The following CDKAL1 variants were observed in gnomAD, a reference collection of about 807,000 sequenced individuals.
CDKAL1 encodes CDKAL1 threonylcarbamoyladenosine tRNA methylthiotransferase, also known as threonylcarbamoyladenosine tRNA methylthiotransferase.
In CDKAL1, 32 loss-of-function variants were observed where a neutral mutation model predicts 68.2. That is an observed-to-expected ratio of 0.47 (90% CI 0.35 to 0.63). The LOEUF is 0.63. Among genes scored for constraint, CDKAL1 ranks in the 30% least tolerant of loss-of-function variants. CDKAL1 has a pLI of 0.00. For missense variants in CDKAL1, 606 were observed against 696.7 expected (o/e 0.87, Z 1.47); for synonymous variants, 234 against 244.3 (o/e 0.96, Z 0.39).
At chr6:20,802,445 A>G (rs918387083) in intron 8 of CDKAL1, among the ~76,000 whole-genome samples, 1 of 152,068 alleles carries the variant, frequency 6.6e-6, no homozygotes, top group Admixed American at 6.6e-5. Flanking sequence ...TCAAAAAGAA[A>G]GAAAAACATC....
chr6:20,820,434 A>C (rs541912199), intron 8 of CDKAL1, among the ~76,000 whole-genome samples: 1 of 152,242 alleles, frequency 6.6e-6, no homozygotes, highest in Admixed American at 6.5e-5. Flanking sequence ...TCTGAATTTA[A>C]AGGTAAGGCA....
intron 9 of CDKAL1, among the ~76,000 whole-genome samples, chr6:20,867,186 T>A (rs1338386210): frequency 6.6e-6 from 1 of 152,220 alleles, no homozygotes; most frequent in Non-Finnish European, 1.5e-5. Context: ...TCGGCATTTG[T>A]ATCTCAGTGT....
chr6:20,683,692 C>G (rs1381395926), intron 5 of CDKAL1, among the ~76,000 whole-genome samples: 1 of 152,170 alleles, frequency 6.6e-6, no homozygotes, highest in Non-Finnish European at 1.5e-5. Flanking sequence ...ACATTTGTTA[C>G]AACTGATGAA....
intron 4 of CDKAL1, among the ~76,000 whole-genome samples, chr6:20,565,401 G>A (rs1764423613): frequency 6.6e-6 from 1 of 151,974 alleles, no homozygotes; most frequent in African/African-American, 2.4e-5. Context: ...CCATGCCTTG[G>A]AAAGAAAGTT....
intron 6 of CDKAL1, among the ~76,000 whole-genome samples, chr6:20,747,619 G>A (rs1773718121): frequency 6.6e-6 from 1 of 152,074 alleles, no homozygotes; most frequent in Admixed American, 6.5e-5. Flanking sequence ...TTGGCTATTT[G>A]TATGTTTCCT....
At chr6:21,000,490 G>A (rs758475534) in intron 11 of CDKAL1, 118 bp downstream of exon 11, 17 of 891,066 alleles carry the variant, frequency 1.9e-5, no homozygotes, top group Admixed American at 2.5e-5. Context: ...CGAGACTTTC[G>A]AAGCTTTCAA....
chr6:20,795,994 C>T (rs529147287), intron 8 of CDKAL1, among the ~76,000 whole-genome samples: 2 of 152,270 alleles, frequency 1.3e-5, no homozygotes, highest in Non-Finnish European at 2.9e-5. Flanking sequence ...AGGCTTGTAA[C>T]TGCCTGGGTT....
At chr6:20,658,817 C>T (rs1038089380) in intron 5 of CDKAL1, among the ~76,000 whole-genome samples, 5 of 152,032 alleles carry the variant, frequency 3.3e-5, no homozygotes, top group African/African-American at 1.2e-4. Flanking sequence ...CTAAAAGTTA[C>T]TTTTATTTAC....
rs931061786 is a variant in CDKAL1 at position 20,802,489 on chromosome 6, A to G, written c.638+21224A>G. Among the ~76,000 whole-genome samples, 41 of 152,132 alleles carry G rather than the reference A, an allele frequency of 2.7e-4. 1 individual carries two copies. Among genetic ancestry groups the G allele is most frequent in the African/African-American group, 9.4e-4 (39 of 41,494 alleles). Reference sequence around the variant, plus strand: ...TACAGTACTCTCAACCTTTGTATCTATTGTTTGATTAGGCAAATATATATA... The same window carrying G: ...TACAGTACTCTCAACCTTTGTATCTGTTGTTTGATTAGGCAAATATATATA... On this transcript the variant is annotated intron_variant, in intron 8 of 15. Coordinates refer to ENST00000274695, the MANE Select transcript of CDKAL1 (RefSeq NM_017774.3).
intron 12 of CDKAL1, among the ~76,000 whole-genome samples, chr6:21,077,775 G>A (rs1183871264): frequency 5.9e-5 from 9 of 152,180 alleles, no homozygotes; most frequent in South Asian, 2.1e-4. Flanking sequence ...TGAGATTTGG[G>A]TGGGGACACA....
intron 5 of CDKAL1, among the ~76,000 whole-genome samples, chr6:20,738,485 GTTTTTT>G (rs71712438): frequency 1.7e-5 from 2 of 119,632 alleles, no homozygotes; most frequent in African/African-American, 3.2e-5. Flanking sequence ...CTACTTCTTA[GTTTTTT>G]TTTTTTTTTT....
intron 9 of CDKAL1, among the ~76,000 whole-genome samples, chr6:20,916,896 T>C (rs1262298528): frequency 6.9e-6 from 1 of 144,122 alleles, no homozygotes; most frequent in Non-Finnish European, 1.5e-5. Flanking sequence ...AAAGACAAGA[T>C]CGGGCGCAGT....
intron 13 of CDKAL1, among the ~76,000 whole-genome samples, chr6:21,156,566 C>G (rs1020221310): frequency 1.3e-5 from 2 of 151,060 alleles, no homozygotes; most frequent in Non-Finnish European, 2.9e-5. Flanking sequence ...AACATTTATT[C>G]CTTTTGTAAA....
intron 4 of CDKAL1, among the ~76,000 whole-genome samples, chr6:20,574,793 A>G (rs1246794751): frequency 6.6e-6 from 1 of 151,908 alleles, no homozygotes; most frequent in Non-Finnish European, 1.5e-5. Flanking sequence ...GTATGAAAAC[A>G]CTCTTTAATC....
At chr6:20,600,234 T>G (rs1177214513) in intron 4 of CDKAL1, among the ~76,000 whole-genome samples, 1 of 152,186 alleles carries the variant, frequency 6.6e-6, no homozygotes, top group Non-Finnish European at 1.5e-5. Flanking sequence ...TGGCAATTCT[T>G]TTTATTAAAT....
At chr6:20,795,782 T>C (rs1484787220) in intron 8 of CDKAL1, among the ~76,000 whole-genome samples, 1 of 152,218 alleles carries the variant, frequency 6.6e-6, no homozygotes, top group Non-Finnish European at 1.5e-5. Context: ...CTATTTTTTC[T>C]CTTGAAAAGC....
chr6:20,730,536 GGT>G (rs1188806539), intron 5 of CDKAL1, among the ~76,000 whole-genome samples: 3 of 151,936 alleles, frequency 2.0e-5, no homozygotes, highest in African/African-American at 7.2e-5. Flanking sequence ...TAGAGGAACA[GGT>G]GAGAAGTACT....
chr6:20,751,181 C>T (rs979283228), intron 6 of CDKAL1, among the ~76,000 whole-genome samples: 11 of 152,070 alleles, frequency 7.2e-5, no homozygotes, highest in Admixed American at 2.6e-4. Context: ...CATACTAAAA[C>T]AGAACCTTCG....
chr6:20,557,769 A>G (rs1052800773), intron 4 of CDKAL1, among the ~76,000 whole-genome samples: 2 of 152,154 alleles, frequency 1.3e-5, no homozygotes, highest in African/African-American at 4.8e-5. Flanking sequence ...TCTACTAGAA[A>G]TACAAAAATT....
Sources: allele counts gnomAD v4.1 joint callset (sites outside exome capture counted in the v4.1 genomes callset), GRCh38; gene constraint gnomAD v4.1.1; transcripts MANE v1.5; gene names NCBI Gene and HGNC (gene_info 2026-07-23, HGNC 2026-07-21).